AKNAD1: variants seen among roughly 807,000 people sequenced by gnomAD.
AKNAD1 encodes AKNA domain containing 1, also known as protein AKNAD1.
AKNAD1 carries 67 observed loss-of-function variants against 90.8 expected under a neutral mutation model. That is an observed-to-expected ratio of 0.74 (90% CI 0.61 to 0.90). The LOEUF (loss-of-function observed/expected upper bound fraction) is 0.90, where lower values mean the gene tolerates loss of function less well. Ranked by LOEUF, AKNAD1 falls within the 40% of genes least tolerant of loss-of-function variation. The probability of loss-of-function intolerance (pLI) is 0.00; values close to 1 mark genes in which losing one functional copy is unlikely to be tolerated. For missense variants in AKNAD1, 957 were observed against 975.4 expected (o/e 0.98, Z 0.25); for synonymous variants, 327 against 341.4 (o/e 0.96, Z 0.46).
intron 5 of AKNAD1, among the ~76,000 whole-genome samples, chr1:108,847,531 C>A (rs956777377): frequency 6.6e-6 from 1 of 151,728 alleles, no homozygotes; most frequent in African/African-American, 2.4e-5. Context: ...TCATGAAGTA[C>A]CCCTGTCCAC....
intron 10 of AKNAD1, among the ~76,000 whole-genome samples, chr1:108,830,346 T>G (rs1277221): frequency 0.66 from 100,926 of 151,978 alleles, 34,138 homozygotes; most frequent in East Asian, 0.79. Flanking sequence ...TTGTAAAATC[T>G]CCCATGGTGA....
chr1:108,842,286 C>A (rs1288478165), intron 6 of AKNAD1, among the ~76,000 whole-genome samples: 1 of 152,150 alleles, frequency 6.6e-6, no homozygotes, highest in Non-Finnish European at 1.5e-5. Flanking sequence ...TTGGCAACAA[C>A]AATTCCATAT....
chr1:108,852,043 G>A lies in AKNAD1; in HGVS notation c.622C>T (p.His208Tyr). 6.2e-7 allele frequency: 1 copy of A among 1,613,800 alleles called. No homozygotes were observed. The highest frequency in any genetic ancestry group is 8.5e-7 in the Non-Finnish European group (1 of 1,179,954). ...EGPVAAGDSS[H>Y]QENVNVLTKT... ...GTTAGAACATTCACATTTTCTTGAT[G>A]GCTGCTATCTCCAGCAGCCACTGGC... Residue 208 changes from histidine to tyrosine, a missense_variant, in exon 2 of 16, where the codon CAT (histidine) becomes TAT (tyrosine). Coordinates refer to ENST00000370001, the MANE Select transcript of AKNAD1 (RefSeq NM_152763.5).
chr1:108,838,550 A>T lies in AKNAD1; in HGVS notation c.1380-844T>A, dbSNP rs796433308. 5.9e-5 allele frequency among the ~76,000 whole-genome samples: 9 copies of T among 152,284 alleles called. 1 individual carries two copies. The highest frequency in any genetic ancestry group is 2.2e-4 in the African/African-American group (9 of 41,582). On this transcript the variant is annotated intron_variant, in intron 6 of 15. Transcript: ENST00000370001. ...CAAAAATCAATCAACTATTTAAAAT[A>T]GGAAGATAGAAAAGGGAATATAAAA...
chr1:108,827,225 G>A lies in AKNAD1; in HGVS notation c.1916C>T (p.Pro639Leu). The A allele has an allele frequency of 6.2e-7, 1 of 1,611,150 alleles. No individual in the cohort carries two copies. Among genetic ancestry groups the A allele is most frequent in the Non-Finnish European group, 8.5e-7 (1 of 1,179,020 alleles). ...CTTACTGGGAGTTGAATCTGAGTGT[G>A]GTGCCTTTTCATGAAGGACAATTGA... Reference protein sequence around the residue: ...RFSIVLHEKAPHSDSTPNSDT... With the variant: ...RFSIVLHEKALHSDSTPNSDT... Residue 639 changes from proline to leucine, a missense_variant, in exon 11 of 16, where the codon CCA (proline) becomes CTA (leucine). Pro to Leu is a moderately conservative substitution (Grantham distance 98). Transcript: ENST00000370001.
Position 108,827,224 on chromosome 1 carries a change from T to C in AKNAD1, c.1917A>G (p.Pro639=). ...ACTTACTGGGAGTTGAATCTGAGTG[T>C]GGTGCCTTTTCATGAAGGACAATTG... ...RFSIVLHEKA[P]HSDSTPNSDT... The change falls in exon 11 of 16, where the codon CCA becomes CCG. Residue 639 remains proline (P), a synonymous_variant. Coordinates refer to ENST00000370001, the MANE Select transcript of AKNAD1 (RefSeq NM_152763.5). The C allele has an allele frequency of 1.2e-6, 2 of 1,611,290 alleles. No individual in the cohort carries two copies. Among genetic ancestry groups the C allele is most frequent in the Middle Eastern group, 3.4e-4 (2 of 5,932 alleles).
intron 7 of AKNAD1, 105 bp downstream of exon 7, chr1:108,837,445 T>G: frequency 3.7e-4 from 415 of 1,135,500 alleles, no homozygotes; most frequent in Middle Eastern, 6.2e-4. Context: ...TAAATTTTCA[T>G]GAGATATTAA....
intron 14 of AKNAD1, among the ~76,000 whole-genome samples, chr1:108,818,453 T>G (rs1210250775): frequency 6.6e-6 from 1 of 152,118 alleles, no homozygotes; most frequent in Non-Finnish European, 1.5e-5. Context: ...TGCAGAGTCC[T>G]CTCTCTCCCC....
chr1:108,837,934 T>C (rs1664435364), intron 6 of AKNAD1, among the ~76,000 whole-genome samples: 1 of 152,206 alleles, frequency 6.6e-6, no homozygotes, highest in Non-Finnish European at 1.5e-5. Context: ...TCACTTAGTA[T>C]TTCTGGGCCT....
intron 5 of AKNAD1, 156 bp from the exon 6 acceptor site, chr1:108,843,423 T>C: frequency 1.1e-6 from 1 of 893,422 alleles, no homozygotes; most frequent in Non-Finnish European, 1.7e-6. Context: ...GAGTCTGACA[T>C]CTAAACTACA....
At chr1:108,854,171 G>C (rs756100892) in intron 1 of AKNAD1, among the ~76,000 whole-genome samples, 35 of 152,158 alleles carry the variant, frequency 2.3e-4, no homozygotes, top group Non-Finnish European at 5.0e-4. Context: ...GCTGCCATTT[G>C]GTATGAGTCC....
chr1:108,823,590 C>T lies in AKNAD1; in HGVS notation c.2035G>A (p.Ala679Thr), dbSNP rs1437671694. Residue 679 changes from alanine (A) to threonine (T), a missense_variant, in exon 12 of 16, where the codon GCC becomes ACC. Physicochemically the swap from Ala to Thr is moderately conservative, Grantham distance 58 (BLOSUM62 0). Transcript: ENST00000370001. Reference sequence around the variant, plus strand: ...CCTTTAGTTGGTTCTTTCCTGCAGGCTCTTCGGGAGGTAGGAATCTTAGTG... The same window carrying T: ...CCTTTAGTTGGTTCTTTCCTGCAGGTTCTTCGGGAGGTAGGAATCTTAGTG... ...CGTKIPTSRR[A>T]CRKEPTKEFH... is the part of the protein sequence containing the mutation. The T allele has an allele frequency of 1.2e-6, 2 of 1,614,130 alleles. No individual in the cohort carries two copies. The highest frequency in any genetic ancestry group is 2.2e-5 in the East Asian group (1 of 44,880).
At chr1:108,826,923 G>T (rs1468543706) in intron 11 of AKNAD1, among the ~76,000 whole-genome samples, 4 of 150,276 alleles carry the variant, frequency 2.7e-5, no homozygotes, top group African/African-American at 9.7e-5. Context: ...TATTTTTTTT[G>T]TACAGATGGA....
At chr1:108,826,644 G>A (rs970475628) in intron 11 of AKNAD1, among the ~76,000 whole-genome samples, 1 of 151,258 alleles carries the variant, frequency 6.6e-6, no homozygotes, top group African/African-American at 2.4e-5. Flanking sequence ...TTGAGTCCAT[G>A]GAGTCCTTCA....
At chr1:108,825,581 A>G (rs940125456) in intron 11 of AKNAD1, among the ~76,000 whole-genome samples, 1 of 151,604 alleles carries the variant, frequency 6.6e-6, no homozygotes, top group African/African-American at 2.4e-5. Flanking sequence ...GATAATATAT[A>G]CCATTTTATA....
chr1:108,843,823 C>T (rs973590675), intron 5 of AKNAD1, among the ~76,000 whole-genome samples: 2 of 152,140 alleles, frequency 1.3e-5, no homozygotes, highest in Non-Finnish European at 2.9e-5. Context: ...TTAGCCAAAG[C>T]TGTGAATGGG....
chr1:108,834,349 G>T, intron 9 of AKNAD1, 98 bp downstream of exon 9: 1 of 1,050,776 alleles, frequency 9.5e-7, no homozygotes, highest in Non-Finnish European at 1.4e-6. Context: ...AAGTGATCTT[G>T]ATTATGCCAA....
intron 13 of AKNAD1, 145 bp downstream of exon 13, chr1:108,823,225 G>C: frequency 1.4e-6 from 1 of 739,766 alleles, no homozygotes; most frequent in Non-Finnish European, 2.5e-6. Context: ...ATTTGGAAGT[G>C]TCAGGTGAGT....
At chr1:108,841,023 A>G (rs755548179) in intron 6 of AKNAD1, among the ~76,000 whole-genome samples, 10 of 152,042 alleles carry the variant, frequency 6.6e-5, no homozygotes, top group Non-Finnish European at 1.3e-4. Context: ...ATATGAAAAA[A>G]TTAGTCAGGC....
Sources: allele counts gnomAD v4.1 joint callset (sites outside exome capture counted in the v4.1 genomes callset), GRCh38; gene constraint gnomAD v4.1.1; transcripts MANE v1.5; gene names NCBI Gene and HGNC (gene_info 2026-07-23, HGNC 2026-07-21).